Variants in EPB41L4A observed in about 807,000 individuals in gnomAD.
EPB41L4A encodes band 4.1-like protein 4A.
EPB41L4A carries 100 observed loss-of-function variants against 108.6 expected under a neutral mutation model. That is an observed-to-expected ratio of 0.92 (90% confidence interval 0.78 to 1.09). The LOEUF (loss-of-function observed/expected upper bound fraction) is 1.09. Among genes scored for constraint, EPB41L4A ranks in the 50% least tolerant of loss-of-function variants. The probability of loss-of-function intolerance (pLI) is 0.00; values close to 1 mark genes in which losing one functional copy is unlikely to be tolerated. For missense variants in EPB41L4A, 1,030 were observed against 842.7 expected, an observed-to-expected ratio of 1.22 and a Z score of -2.75; for synonymous variants, 319 against 289.0, an observed-to-expected ratio of 1.10 and a Z score of -1.05.
chr5:112,405,040 C>T (rs145481638), intron 1 of EPB41L4A, among the ~76,000 whole-genome samples: 1 of 152,156 alleles, frequency 6.6e-6, no homozygotes, highest in Admixed American at 6.5e-5. Context: ...GTTTTCATAC[C>T]CTTGTTTAGT....
intron 17 of EPB41L4A, among the ~76,000 whole-genome samples, chr5:112,191,864 G>C (rs1761717336): frequency 1.3e-5 from 2 of 152,160 alleles, no homozygotes; most frequent in African/African-American, 2.4e-5. Context: ...CAGTTTCCTA[G>C]AGACAGGAAA....
intron 1 of EPB41L4A, among the ~76,000 whole-genome samples, chr5:112,326,349 A>G (rs190797530): frequency 4.4e-4 from 67 of 152,158 alleles, no homozygotes; most frequent in Middle Eastern, 6.8e-3. Flanking sequence ...ACACACAACC[A>G]CAACACACAA....
intron 1 of EPB41L4A, among the ~76,000 whole-genome samples, chr5:112,339,511 GATATATAGATATATATCTAT>G (rs1757154615): frequency 5.4e-5 from 3 of 55,184 alleles, no homozygotes; most frequent in African/African-American, 1.1e-4. Flanking sequence ...TATATATATA[GATATATAGATATATATCTAT>G]ATATATATAT....
chr5:112,287,147 C>T (rs1391391564), intron 2 of EPB41L4A, among the ~76,000 whole-genome samples: 1 of 152,208 alleles, frequency 6.6e-6, no homozygotes, highest in Admixed American at 6.5e-5. Flanking sequence ...ACACTGACAA[C>T]TTCCACAGTT....
chr5:112,151,452 G>A (rs2900060), intron 12 of EPB41L4A, among the ~76,000 whole-genome samples: 38,295 of 150,908 alleles, frequency 0.25, 6,101 homozygotes, highest in African/African-American at 0.46. Context: ...CTGTCGCCCC[G>A]ACTGGAGTGC....
chr5:112,412,425 T>G (rs1321484140), intron 1 of EPB41L4A, among the ~76,000 whole-genome samples: 1 of 152,200 alleles, frequency 6.6e-6, no homozygotes, highest in African/African-American at 2.4e-5. Context: ...TAAGACATAA[T>G]GACTATTTCA....
chr5:112,269,290 C>T (rs1039378869), intron 4 of EPB41L4A, among the ~76,000 whole-genome samples: 1 of 151,716 alleles, frequency 6.6e-6, no homozygotes, highest in Non-Finnish European at 1.5e-5. Context: ...AAACTGAAGG[C>T]AAACAATTTT....
intron 1 of EPB41L4A, among the ~76,000 whole-genome samples, chr5:112,404,914 T>C (rs1761993183): frequency 6.6e-6 from 1 of 152,144 alleles, no homozygotes; most frequent in African/African-American, 2.4e-5. Context: ...CAGTCCATCC[T>C]CACAAGGCCT....
chr5:112,248,420 T>C (rs1561509336), intron 9 of EPB41L4A, among the ~76,000 whole-genome samples: 2 of 152,212 alleles, frequency 1.3e-5, no homozygotes, highest in African/African-American at 2.4e-5. Context: ...TGCTTGCTTT[T>C]TGTAAAATTA....
intron 22 of EPB41L4A, among the ~76,000 whole-genome samples, chr5:112,168,381 T>C (rs1187648595): frequency 6.6e-6 from 1 of 152,070 alleles, no homozygotes; most frequent in East Asian, 1.9e-4. Flanking sequence ...ACAAAGTGAG[T>C]CTATCACTTT....
intron 1 of EPB41L4A, among the ~76,000 whole-genome samples, chr5:112,312,967 C>T (rs1755144672): frequency 6.6e-6 from 1 of 152,106 alleles, no homozygotes; most frequent in African/African-American, 2.4e-5. Flanking sequence ...CAGGAAGGGG[C>T]CAGTCCTAGG....
intron 22 of EPB41L4A, among the ~76,000 whole-genome samples, chr5:112,167,121 G>GAAAAAA (rs1206922872): frequency 4.5e-5 from 1 of 22,014 alleles, no homozygotes; most frequent in Non-Finnish European, 7.7e-5. Flanking sequence ...TAAAATTTAA[G>GAAAAAA]ACAAAAAAAA....
intron 15 of EPB41L4A, among the ~76,000 whole-genome samples, chr5:112,198,834 AT>A (rs955549300): frequency 2.8e-5 from 4 of 144,172 alleles, no homozygotes; most frequent in African/African-American, 9.7e-5. Flanking sequence ...TCATGGTTAT[AT>A]TTTTTCATCT....
chr5:112,222,852 C>T (rs1262787286), intron 12 of EPB41L4A, among the ~76,000 whole-genome samples: 5 of 152,210 alleles, frequency 3.3e-5, no homozygotes, highest in African/African-American at 1.2e-4. Flanking sequence ...AGGGCTCTTC[C>T]TCCACCCCTT....
chr5:112,204,765 A>G (rs1440807330), intron 14 of EPB41L4A: 1 of 291,486 alleles, frequency 3.4e-6, no homozygotes, highest in East Asian at 6.0e-5. Context: ...CAATTCATAC[A>G]TATGATGAAT....
chr5:112,405,955 T>C (rs1580847684), intron 1 of EPB41L4A, among the ~76,000 whole-genome samples: 3 of 152,378 alleles, frequency 2.0e-5, no homozygotes, highest in Admixed American at 2.0e-4. Flanking sequence ...GCTCTGAATA[T>C]ATTCTTGTAG....
downstream of EPB41L4A, chr5:112,162,556 T>TA (rs1236067683): frequency 6.6e-6 from 1 of 152,216 alleles, no homozygotes; most frequent in Non-Finnish European, 1.5e-5. Context: ...TTCCTCCAAC[T>TA]AAATTGTACA....
downstream of EPB41L4A, chr5:112,162,030 T>C (rs1053421784): frequency 5.9e-5 from 9 of 152,302 alleles, no homozygotes; most frequent in African/African-American, 2.2e-4. Flanking sequence ...GATTTGTTTT[T>C]ATGTGTAGTA....
chr5:112,297,254 C>G (rs1484595563), intron 2 of EPB41L4A, among the ~76,000 whole-genome samples: 1 of 152,160 alleles, frequency 6.6e-6, no homozygotes, highest in African/African-American at 2.4e-5. Flanking sequence ...ACATTCCCAC[C>G]AGCAGTGCAG....
Sources: gnomAD v4.1 joint callset for allele counts (sites outside exome capture counted in the v4.1 genomes callset) on GRCh38, gnomAD v4.1.1 for gene constraint, MANE v1.5 for transcripts, NCBI Gene and HGNC (gene_info 2026-07-23, HGNC 2026-07-21) for gene names.